Variants in UTRN observed in about 807,000 individuals in gnomAD.
UTRN encodes dystrophin-related protein 1.
In UTRN, 283 loss-of-function variants were observed where a neutral mutation model predicts 463.9. The ratio of observed to expected loss-of-function variants is 0.61; its 90% CI spans 0.55 to 0.67. UTRN has a LOEUF of 0.67. UTRN is among the 30% of genes least tolerant of loss of function. The probability of loss-of-function intolerance (pLI) is 0.00; values close to 1 mark genes in which losing one functional copy is unlikely to be tolerated. For missense variants in UTRN, 3,922 were observed against 4,084.3 expected (o/e 0.96, Z 1.08); for synonymous variants, 1,442 against 1,431.5 (o/e 1.01, Z -0.17).
rs936108559 is a variant in UTRN, at chr6:144,758,134, A to G, written c.8495+145A>G. The G allele has an allele frequency of 1.5e-5, 9 of 605,258 alleles. No homozygotes were observed. The African/African-American group carries it at 1.7e-4, about 12-fold the overall frequency. 37.5% of individuals were successfully genotyped at this position (605,258 alleles called of 1,614,324 possible). ...CTGTGATATAGTTAATATTAAAAAG[A>G]AACTACTTTTAACATGAGAATTATA... On this transcript the variant is annotated intron_variant, in intron 58 of 74. Transcript: ENST00000367545.
intron 50 of UTRN, among the ~76,000 whole-genome samples, chr6:144,571,947 G>C (rs1325051079): frequency 6.6e-6 from 1 of 152,118 alleles, no homozygotes; most frequent in Non-Finnish European, 1.5e-5. Flanking sequence ...CTGGGTATTT[G>C]CTTTGCTCCT....
At chr6:144,566,901 C>A (rs1800454225) in intron 50 of UTRN, among the ~76,000 whole-genome samples, 1 of 152,146 alleles carries the variant, frequency 6.6e-6, no homozygotes, top group African/African-American at 2.4e-5. Flanking sequence ...TAATCCAGCA[C>A]TTTGGGAGGC....
At chr6:144,578,190 G>A (rs945577271) in intron 51 of UTRN, among the ~76,000 whole-genome samples, 5 of 152,150 alleles carry the variant, frequency 3.3e-5, no homozygotes, top group African/African-American at 2.4e-5. Flanking sequence ...GTGGCAGAAC[G>A]AGACTCTGTC....
intron 2 of UTRN, among the ~76,000 whole-genome samples, chr6:144,338,416 G>A (rs1776899389): frequency 6.6e-6 from 1 of 152,104 alleles, no homozygotes; most frequent in African/African-American, 2.4e-5. Context: ...GATATTAAGG[G>A]GAGTTAATTA....
chr6:144,806,737 T>TG (rs1252315843), intron 65 of UTRN, among the ~76,000 whole-genome samples: 1 of 141,382 alleles, frequency 7.1e-6, no homozygotes, highest in Non-Finnish European at 1.6e-5. Flanking sequence ...ACCATTAGCT[T>TG]GAAGAAACCT....
chr6:144,302,261 A>G (rs563745287), intron 2 of UTRN, among the ~76,000 whole-genome samples: 1 of 152,276 alleles, frequency 6.6e-6, no homozygotes, highest in Non-Finnish European at 1.5e-5. Flanking sequence ...CTGTAATCCC[A>G]GCACTTTGGG....
chr6:144,835,251 A>G (rs1347667060), intron 69 of UTRN, among the ~76,000 whole-genome samples: 2 of 152,244 alleles, frequency 1.3e-5, no homozygotes, highest in Non-Finnish European at 1.5e-5. Context: ...TGCTAATAAT[A>G]TAAAGTAAAA....
At chr6:144,369,279 A>G (rs536244825) in intron 2 of UTRN, among the ~76,000 whole-genome samples, 2 of 152,338 alleles carry the variant, frequency 1.3e-5, no homozygotes, top group South Asian at 2.1e-4. Flanking sequence ...TTTAAATACA[A>G]TATTGTGTAG....
chr6:144,489,919 C>T, intron 30 of UTRN, 152 bp from the exon 31 acceptor site: 2 of 1,156,914 alleles, frequency 1.7e-6, no homozygotes, highest in Non-Finnish European at 2.4e-6. Flanking sequence ...CGCACCTGGC[C>T]TACAAAAACT....
chr6:144,755,269 T>C (rs139319802), intron 57 of UTRN, among the ~76,000 whole-genome samples: 117 of 152,318 alleles, frequency 7.7e-4, no homozygotes, highest in African/African-American at 2.7e-3. Context: ...GCTGCGATTA[T>C]ATTTAGTTTT....
Position 144,436,964 on chromosome 6 carries a change from T to TC in UTRN, c.1060-601_1060-600insC, listed in dbSNP as rs1478463327. 2.7e-5 allele frequency among the ~76,000 whole-genome samples: 4 copies of TC among 148,436 alleles called. No individual in the cohort carries two copies. The East Asian group carries it at 5.8e-4, about 22-fold the overall frequency. ...TGTATATATATATATTTATAATTTTTTTTTTTTTAACAGAGTCTTACTCTG... is the reference window on the plus strand; with the variant it reads ...TGTATATATATATATTTATAATTTTTCTTTTTTTTAACAGAGTCTTACTCTG... On this transcript the variant is annotated intron_variant, in intron 10 of 74. Transcript: ENST00000367545.
At chr6:144,839,954 T>C (rs916957779) in intron 72 of UTRN, among the ~76,000 whole-genome samples, 3 of 152,164 alleles carry the variant, frequency 2.0e-5, no homozygotes, top group African/African-American at 7.2e-5. Context: ...AATTAAAATA[T>C]TAGCTGGATG....
chr6:144,695,950 A>T lies in UTRN; in HGVS notation c.7653-4137A>T, dbSNP rs189793410. Among the ~76,000 whole-genome samples the T allele has an allele frequency of 1.5e-3, 226 of 152,314 alleles. 8 individuals carry two copies. Among genetic ancestry groups the T allele is most frequent in the Admixed American group, 0.014 (210 of 15,290 alleles). ...ATCAGCATAATGATGTTTAATATAG[A>T]TCTTTATTAACATGGTTTCAAAGGC... On this transcript the variant is annotated intron_variant, in intron 52 of 74. Coordinates refer to ENST00000367545, the MANE Select transcript of UTRN (RefSeq NM_007124.3).
chr6:144,439,463 A>G (rs944110817), intron 12 of UTRN, among the ~76,000 whole-genome samples: 2 of 152,016 alleles, frequency 1.3e-5, no homozygotes, highest in African/African-American at 4.8e-5. Context: ...ATTTGAGAAC[A>G]CTATTGATAG....
chr6:144,425,295 A>G (rs1785197489), intron 6 of UTRN, among the ~76,000 whole-genome samples: 1 of 152,164 alleles, frequency 6.6e-6, no homozygotes, highest in Non-Finnish European at 1.5e-5. Flanking sequence ...TTAGTGCATC[A>G]TATCGGGGAT....
At chr6:144,299,788 G>GA (rs1368274240) in intron 2 of UTRN, among the ~76,000 whole-genome samples, 3 of 151,932 alleles carry the variant, frequency 2.0e-5, no homozygotes, top group Admixed American at 6.6e-5. Flanking sequence ...ATCATGGTGG[G>GA]AAAAAAACTC....
chr6:144,477,130 GAAGGGAGGA>G (rs1791299029), intron 25 of UTRN, among the ~76,000 whole-genome samples: 1 of 152,174 alleles, frequency 6.6e-6, no homozygotes, highest in Non-Finnish European at 1.5e-5. Flanking sequence ...CGTGGTAATG[GAAGGGAGGA>G]AATGATATGG....
At chr6:144,667,691 G>C (rs958305575) in intron 51 of UTRN, among the ~76,000 whole-genome samples, 1 of 152,130 alleles carries the variant, frequency 6.6e-6, no homozygotes, top group Admixed American at 6.6e-5. Context: ...TAGAACAGTT[G>C]TATCAGGAGA....
At chr6:144,737,233 G>A (rs1301763781) in intron 54 of UTRN, among the ~76,000 whole-genome samples, 3 of 152,146 alleles carry the variant, frequency 2.0e-5, no homozygotes, top group East Asian at 1.9e-4. Flanking sequence ...ACTTCTCAGA[G>A]GTATTAACTT....
Sources: gnomAD v4.1 joint callset for allele counts (sites outside exome capture counted in the v4.1 genomes callset) on GRCh38, gnomAD v4.1.1 for gene constraint, MANE v1.5 for transcripts, NCBI Gene and HGNC (gene_info 2026-07-23, HGNC 2026-07-21) for gene names.